The following KIF1B variants were observed in gnomAD, a reference collection of about 807,000 sequenced individuals.
The protein encoded by KIF1B is kinesin family member 1B.
KIF1B carries 76 observed loss-of-function variants against 241.9 expected under a neutral mutation model. That is an observed-to-expected ratio of 0.31 (90% CI 0.26 to 0.38). KIF1B has a LOEUF of 0.38. Ranked by LOEUF, KIF1B falls within the 10% of genes least tolerant of loss-of-function variation. KIF1B has a pLI of 1.00. For missense variants in KIF1B, 1,622 were observed against 2,271.4 expected (o/e 0.71, Z 5.81); for synonymous variants, 750 against 796.7 (o/e 0.94, Z 0.99).
Position 10,292,141 on chromosome 1 carries a change from A to C in KIF1B, c.1590+19A>C. 1 of 1,597,672 alleles carries C rather than the reference A, an allele frequency of 6.3e-7. No homozygotes were observed. The highest frequency in any genetic ancestry group is 1.3e-5 in the African/African-American group (1 of 74,722). ...TAAAAAGGTAGGAAACAATGCTGTG[A>C]AACCTAATCAGACAGAGACACTTTT... is the stretch of plus-strand genomic sequence containing the variant. On this transcript the variant is annotated intron_variant, in intron 17 of 48. Coordinates refer to ENST00000676179, the MANE Select transcript of KIF1B (RefSeq NM_001365951.3).
Position 10,291,076 on chromosome 1 carries a change from C to T in KIF1B, c.1435-6C>T, listed in dbSNP as rs368858419. On this transcript the variant is annotated splice_region_variant and splice_polypyrimidine_tract_variant and intron_variant, in intron 15 of 48. Transcript: ENST00000676179. ...TGCCTCTTTAACTGTGCGCTTCCTT[C>T]CTTAGGAATCAGAGAAGATCATTGC... 1.2e-5 allele frequency: 19 copies of T among 1,611,352 alleles called. No homozygotes were observed. In the African/African-American group the frequency reaches 2.3e-4, roughly 19 times the overall value.
At chr1:10,349,897 A>G (rs1652727128) in intron 37 of KIF1B, among the ~76,000 whole-genome samples, 1 of 152,268 alleles carries the variant, frequency 6.6e-6, no homozygotes, top group Non-Finnish European at 1.5e-5. Context: ...ATATTGAAAT[A>G]CAGTTGTTAA....
In KIF1B at chr1:10,303,920, C is replaced by CA. The variant is rs904132273; in HGVS notation, c.2115+6675dup. The CA allele has an allele frequency of 1.2e-6, 2 of 1,614,044 alleles. No individual in the cohort carries two copies. Reference sequence around the variant, plus strand: ...GTTTCCCAGCTGATGAATGGGGATCCAGCTTTTAGACGTGGACGTCTGCGC... The same window carrying CA: ...GTTTCCCAGCTGATGAATGGGGATCCAAGCTTTTAGACGTGGACGTCTGCGC... On this transcript the variant is annotated intron_variant, in intron 22 of 48. Transcript: ENST00000676179. This position sits in a 1 kb window ranked among gnomAD's most constrained non-coding sequence, Gnocchi z 5.2.
intron 9 of KIF1B, 40 bp from the exon 10 acceptor site, chr1:10,272,974 C>T: frequency 6.6e-7 from 1 of 1,518,472 alleles, no homozygotes; most frequent in Non-Finnish European, 8.9e-7. Flanking sequence ...GAGGCTTATC[C>T]TGTGTTCTTA....
rs528744332 is a variant in KIF1B, at chr1:10,378,930, A to G, written c.*2343A>G. ...AACATAGGTCACTAACTGTGATGTT[A>G]TTTGTTTTCTAAGTGGTATGTGAGA... is the stretch of plus-strand genomic sequence containing the variant. On this transcript the variant is annotated 3_prime_UTR_variant, in exon 49 of 49. Coordinates refer to ENST00000676179, the MANE Select transcript of KIF1B (RefSeq NM_001365951.3). The G allele has an allele frequency of 6.4e-4, 150 of 233,894 alleles. No homozygotes were observed. The highest frequency in any genetic ancestry group is 3.1e-3 in the African/African-American group (140 of 45,342). 14.5% of individuals were successfully genotyped at this position (233,894 alleles called of 1,614,324 possible). A position where few individuals can be genotyped will look rare whatever the true frequency, so the allele number is the denominator to read the frequency against.
chr1:10,320,015 A>G, intron 22 of KIF1B, 28 bp from the exon 23 acceptor site: 1 of 1,479,538 alleles, frequency 6.8e-7, no homozygotes, highest in Non-Finnish European at 9.4e-7. Flanking sequence ...TCCCTCTCCT[A>G]CATGTTATCT....
chr1:10,378,507 CCT>C lies in KIF1B; in HGVS notation c.*1925_*1926del, dbSNP rs534763104. ...CCATCCTTTACTTCCCTTGCTCAGACCTCTCTGTTTCACCATTGCTCAGGCAT... is the reference window on the plus strand; with the variant it reads ...CCATCCTTTACTTCCCTTGCTCAGACCTCTGTTTCACCATTGCTCAGGCAT... On this transcript the variant is annotated 3_prime_UTR_variant, in exon 49 of 49. Coordinates refer to ENST00000676179, the MANE Select transcript of KIF1B (RefSeq NM_001365951.3). The C allele has an allele frequency of 2.8e-6, 2 of 710,396 alleles. No homozygotes were observed. The highest frequency in any genetic ancestry group is 1.5e-5 in the South Asian group (1 of 66,758). The allele number at this position is 710,396 out of a possible 1,614,324, so 44.0% of individuals were successfully genotyped here.
chr1:10,230,355 T>C (rs1646964399), intron 1 of KIF1B, among the ~76,000 whole-genome samples: 1 of 149,818 alleles, frequency 6.7e-6, no homozygotes, highest in Non-Finnish European at 1.5e-5. Flanking sequence ...ATTTTTCCTT[T>C]GTTTGGTTAT....
rs61266375 is a variant in KIF1B at position 10,356,898 on chromosome 1, C to CTAAATAAA, written c.4056-4006_4056-3999dup. Among the ~76,000 whole-genome samples the CTAAATAAA allele has an allele frequency of 3.5e-3, 527 of 149,302 alleles. 2 individuals carry two copies. The highest frequency in any genetic ancestry group is 4.6e-3 in the Non-Finnish European group (313 of 67,446). The stretch of plus-strand genomic sequence containing the variant: ...CTGGCGACAGAGCTAGACTCCGTCT[C>CTAAATAAA]TAAATAAATAAATAAATAAATAAAT... On this transcript the variant is annotated intron_variant, in intron 38 of 48. Transcript: ENST00000676179.
intron 22 of KIF1B, among the ~76,000 whole-genome samples, chr1:10,313,572 A>G (rs1382216438): frequency 3.4e-5 from 4 of 118,490 alleles, no homozygotes; most frequent in African/African-American, 3.4e-5. Context: ...TTTTTTTGAG[A>G]TGGAGTCTCG....
intron 1 of KIF1B, among the ~76,000 whole-genome samples, chr1:10,231,631 C>T (rs962663474): frequency 3.3e-5 from 5 of 152,000 alleles, no homozygotes; most frequent in African/African-American, 1.2e-4. Flanking sequence ...AAGTGATCCG[C>T]CCAACTTGAC....
chr1:10,287,788 T>C (rs1481455707), intron 15 of KIF1B, among the ~76,000 whole-genome samples: 2 of 152,246 alleles, frequency 1.3e-5, no homozygotes, highest in Non-Finnish European at 2.9e-5. Flanking sequence ...CAAAATAGGA[T>C]GGCTTTAATA....
At chr1:10,272,715 G>GT (rs200198962) in intron 9 of KIF1B, among the ~76,000 whole-genome samples, 2,528 of 134,506 alleles carry the variant, frequency 0.019, 21 homozygotes, top group Admixed American at 0.021. Context: ...AGGGCCAGTA[G>GT]TTTTTTTTTT....
chr1:10,290,274 T>TGATATGCA (rs1649927667), intron 15 of KIF1B, among the ~76,000 whole-genome samples: 1 of 152,160 alleles, frequency 6.6e-6, no homozygotes, highest in South Asian at 2.1e-4. Context: ...TTATCTGGGT[T>TGATATGCA]TTAAACCCTG....
chr1:10,350,914 T>C (rs1345257378), intron 37 of KIF1B, among the ~76,000 whole-genome samples: 1 of 151,966 alleles, frequency 6.6e-6, no homozygotes, highest in East Asian at 1.9e-4. Context: ...CTAGACAACA[T>C]GGCAAAACCC....
chr1:10,226,650 C>G (rs1178914528), intron 1 of KIF1B, among the ~76,000 whole-genome samples: 2 of 152,178 alleles, frequency 1.3e-5, no homozygotes, highest in Non-Finnish European at 2.9e-5. Context: ...CCCAGCCTAT[C>G]TTCAGACTAC....
chr1:10,214,587 CCT>C (rs1557639676), intron 1 of KIF1B, among the ~76,000 whole-genome samples: 6 of 136,858 alleles, frequency 4.4e-5, no homozygotes, highest in Non-Finnish European at 6.3e-5. Flanking sequence ...CGTGCCCTGC[CCT>C]TTTTTTTTTT....
chr1:10,345,243 AC>A (rs919873662), intron 34 of KIF1B, among the ~76,000 whole-genome samples: 1 of 152,246 alleles, frequency 6.6e-6, no homozygotes, highest in Non-Finnish European at 1.5e-5. Context: ...TATAAATGAT[AC>A]CAGTAGTTGG....
At chr1:10,267,726 A>G (rs1314170550) in intron 6 of KIF1B, among the ~76,000 whole-genome samples, 168 bp downstream of exon 6, 2 of 152,212 alleles carry the variant, frequency 1.3e-5, no homozygotes, top group African/African-American at 2.4e-5. Context: ...AGTGTTAAGT[A>G]TCTTCTCATC....
Sources: allele counts gnomAD v4.1 joint callset (sites outside exome capture counted in the v4.1 genomes callset), GRCh38; gene constraint gnomAD v4.1.1; non-coding constraint Gnocchi (gnomAD v3.1); transcripts MANE v1.5; gene names NCBI Gene and HGNC (gene_info 2026-07-23, HGNC 2026-07-21).